TTC3: variants seen among roughly 807,000 people sequenced by gnomAD.
The protein encoded by TTC3 is E3 ubiquitin-protein ligase TTC3.
In TTC3, 180 loss-of-function variants were observed where a neutral mutation model predicts 249.6. The ratio of observed to expected loss-of-function variants is 0.72; its 90% CI spans 0.64 to 0.82. The LOEUF is 0.82. TTC3 is among the 40% of genes least tolerant of loss of function. The probability of loss-of-function intolerance (pLI) is 0.00; values close to 1 mark genes in which losing one functional copy is unlikely to be tolerated. For synonymous variants in TTC3, 717 were observed against 805.0 expected (o/e 0.89, Z 1.85); for missense variants, 2,061 against 2,398.4 (o/e 0.86, Z 2.94).
intron 15 of TTC3, 124 bp downstream of exon 15, chr21:37,126,267 C>A: frequency 1.6e-6 from 1 of 623,876 alleles, no homozygotes; most frequent in South Asian, 3.3e-5. Flanking sequence ...TATAATGCTT[C>A]TATGTTAAGA....
intron 2 of TTC3, 78 bp downstream of exon 2, chr21:37,087,479 T>C: frequency 1.3e-6 from 2 of 1,551,624 alleles, no homozygotes; most frequent in Non-Finnish European, 1.8e-6. Context: ...TGAGTAAAGA[T>C]GTTTTTGTGG....
chr21:37,080,987 T>C (rs923853459), intron 1 of TTC3, among the ~76,000 whole-genome samples: 2 of 152,114 alleles, frequency 1.3e-5, no homozygotes, highest in Non-Finnish European at 2.9e-5. Context: ...ATTTTACCTT[T>C]GTTCTTGACA....
intron 15 of TTC3, among the ~76,000 whole-genome samples, chr21:37,126,894 G>A (rs1183754627): frequency 6.8e-6 from 1 of 147,688 alleles, no homozygotes; most frequent in East Asian, 2.0e-4. Flanking sequence ...TTGCTCTGTT[G>A]CCCAGGCTGG....
At chr21:37,182,879 A>G (rs2082889695) in exon 36 of TTC3, 1 of 1,584,710 alleles carries the variant, frequency 6.3e-7, no homozygotes, top group African/African-American at 1.4e-5. Flanking sequence ...ATCACTGAAG[A>G]AGAAAATTAA....
chr21:37,135,744 T>C (rs2077875774), intron 18 of TTC3, among the ~76,000 whole-genome samples: 1 of 152,208 alleles, frequency 6.6e-6, no homozygotes. Flanking sequence ...TTAGGGTCAT[T>C]AGAACTGGCT....
At chr21:37,073,294 G>A in exon 1 of TTC3, 2 of 287,756 alleles carry the variant, frequency 7.0e-6, no homozygotes, top group Non-Finnish European at 1.0e-5. Flanking sequence ...GAGGGCCGGA[G>A]GTGGCGGCGG....
chr21:37,105,271 G>A (rs2032089), intron 10 of TTC3, among the ~76,000 whole-genome samples: 103,593 of 151,970 alleles, frequency 0.68, 35,768 homozygotes, highest in African/African-American at 0.77. Flanking sequence ...TTTTAAAGGT[G>A]TTTGGGGAGA....
At chr21:37,174,979 G>T (rs981612486) in intron 35 of TTC3, among the ~76,000 whole-genome samples, 5 of 152,078 alleles carry the variant, frequency 3.3e-5, no homozygotes, top group Admixed American at 1.3e-4. Flanking sequence ...CATATGGCCA[G>T]GCGCGGTGGC....
chr21:37,145,678 A>C (rs578179682), intron 21 of TTC3, among the ~76,000 whole-genome samples: 1 of 152,330 alleles, frequency 6.6e-6, no homozygotes, highest in East Asian at 1.9e-4. Flanking sequence ...ATGGTTTTGC[A>C]GGCTGTATAA....
chr21:37,159,279 C>T lies in TTC3; in HGVS notation c.2993-420C>T, dbSNP rs149324364. ...GCTTCTTTGCCCCTCCTGTGGGCCT[C>T]TCCCTTGCAGACTTCAGACTTGAGT... On this transcript the variant is annotated intron_variant, in intron 28 of 45. Coordinates refer to ENST00000355666, the Ensembl canonical transcript of TTC3. Among the ~76,000 whole-genome samples, 212 of 148,632 alleles carry T rather than the reference C, an allele frequency of 1.4e-3. 2 individuals carry two copies. The highest frequency in any genetic ancestry group is 4.8e-3 in the African/African-American group (192 of 40,112).
chr21:37,138,093 ATTT>A (rs1305913153), intron 18 of TTC3, among the ~76,000 whole-genome samples: 1 of 152,252 alleles, frequency 6.6e-6, no homozygotes, highest in Non-Finnish European at 1.5e-5. Context: ...GATCATTAGC[ATTT>A]GTAGCAATAA....
At chr21:37,165,474 A>C (rs975215086) in intron 32 of TTC3, 76 bp from the exon 33 acceptor site, 2 of 1,119,826 alleles carry the variant, frequency 1.8e-6, no homozygotes, top group African/African-American at 3.1e-5. Flanking sequence ...CCTTTGGGAG[A>C]ATAAAAGTTT....
At chr21:37,136,569 A>G (rs1302799234) in intron 18 of TTC3, among the ~76,000 whole-genome samples, 1 of 152,216 alleles carries the variant, frequency 6.6e-6, no homozygotes, top group Non-Finnish European at 1.5e-5. Context: ...GAGAGAGGTG[A>G]GGAAGCTGCA....
intron 7 of TTC3, among the ~76,000 whole-genome samples, chr21:37,092,875 TTTAG>T (rs1283408064): frequency 2.6e-5 from 4 of 152,172 alleles, no homozygotes; most frequent in African/African-American, 4.8e-5. Context: ...CCCGATAAAC[TTTAG>T]TTACTTACTG....
chr21:37,116,584 A>G (rs1398102846), intron 11 of TTC3, among the ~76,000 whole-genome samples: 1 of 151,954 alleles, frequency 6.6e-6, no homozygotes, highest in African/African-American at 2.4e-5. Flanking sequence ...TGAGGCGGGC[A>G]GATCACTTGA....
intron 25 of TTC3, among the ~76,000 whole-genome samples, 171 bp from the exon 26 acceptor site, chr21:37,151,722 A>C (rs572875217): frequency 6.6e-5 from 10 of 152,320 alleles, no homozygotes; most frequent in African/African-American, 2.2e-4. Context: ...TTTTCATGAA[A>C]CAAGTACCCT....
chr21:37,086,940 A>T (rs74408992), intron 1 of TTC3: 1 of 274,924 alleles, frequency 3.6e-6, no homozygotes, highest in South Asian at 7.6e-5. Flanking sequence ...CTAGGCACAT[A>T]CAAAGATAAA....
intron 20 of TTC3, among the ~76,000 whole-genome samples, chr21:37,144,298 A>G (rs533574263): frequency 6.6e-6 from 1 of 152,274 alleles, no homozygotes; most frequent in East Asian, 1.9e-4. Flanking sequence ...ACCTGCCACA[A>G]TAAAGCCAGT....
intron 34 of TTC3, among the ~76,000 whole-genome samples, chr21:37,169,148 C>T (rs939426722): frequency 6.6e-6 from 1 of 152,098 alleles, no homozygotes; most frequent in African/African-American, 2.4e-5. Flanking sequence ...GAGGTCTATA[C>T]AAGGCTGTGA....
Sources: gnomAD v4.1 joint callset for allele counts (sites outside exome capture counted in the v4.1 genomes callset) on GRCh38, gnomAD v4.1.1 for gene constraint, MANE v1.5 for transcripts, NCBI Gene and HGNC (gene_info 2026-07-23, HGNC 2026-07-21) for gene names.